HACE1: variants seen among roughly 807,000 people sequenced by gnomAD.
HACE1 encodes HECT domain and ankyrin repeat containing E3 ubiquitin protein ligase 1.
HACE1 carries 73 observed loss-of-function variants against 118.4 expected under a neutral mutation model. That is an observed-to-expected ratio of 0.62 (90% CI 0.51 to 0.75). The LOEUF (loss-of-function observed/expected upper bound fraction) is 0.75, where lower values mean the gene tolerates loss of function less well. Among genes scored for constraint, HACE1 ranks in the 30% least tolerant of loss-of-function variants. The pLI is 0.00. For missense variants in HACE1, 749 were observed against 1,102.2 expected, an observed-to-expected ratio of 0.68 and a Z score of 4.54; for synonymous variants, 368 against 374.8, an observed-to-expected ratio of 0.98 and a Z score of 0.21.
At chr6:104,780,040 C>T (rs1781564104) in intron 14 of HACE1, among the ~76,000 whole-genome samples, 1 of 152,046 alleles carries the variant, frequency 6.6e-6, no homozygotes, top group South Asian at 2.1e-4. Flanking sequence ...TATACTAATG[C>T]TCTAATACTC....
intron 7 of HACE1, among the ~76,000 whole-genome samples, chr6:104,803,664 GC>G (rs1294496381): frequency 2.0e-5 from 3 of 152,082 alleles, no homozygotes; most frequent in East Asian, 3.9e-4. Flanking sequence ...AAATTCAACA[GC>G]CCTTCATGCT....
At chr6:104,778,853 T>A (rs1781469962) in intron 14 of HACE1, among the ~76,000 whole-genome samples, 1 of 151,822 alleles carries the variant, frequency 6.6e-6, no homozygotes, top group Non-Finnish European at 1.5e-5. Flanking sequence ...ATAGAACTTA[T>A]GAATAGAAAT....
At chr6:104,784,543 C>T (rs916496446) in intron 12 of HACE1, 58 bp from the exon 13 acceptor site, 12 of 1,171,358 alleles carry the variant, frequency 1.0e-5, no homozygotes, top group Middle Eastern at 1.9e-4. Context: ...TATAATATAG[C>T]GAACTTGATA....
chr6:104,804,371 G>A (rs1286445662), intron 7 of HACE1, among the ~76,000 whole-genome samples: 8 of 152,060 alleles, frequency 5.3e-5, no homozygotes, highest in African/African-American at 1.9e-4. Context: ...CTACTTTAAA[G>A]TTCATATGGA....
At chr6:104,795,550 T>C (rs765804130) in intron 10 of HACE1, 29 bp downstream of exon 10, 13 of 1,265,184 alleles carry the variant, frequency 1.0e-5, no homozygotes, top group East Asian at 4.6e-5. Flanking sequence ...CTGCTACCTA[T>C]TGATTTCCTC....
chr6:104,796,995 T>C lies in HACE1; in HGVS notation c.648A>G (p.Leu216=), dbSNP rs769346313. Residue 216 remains leucine (L), a synonymous_variant, in exon 8 of 24, where the codon CTA becomes CTG. Transcript: ENST00000262903. ...SHGQRDTAQI[L]LLRGAKYLPD... is the part of the protein sequence containing the mutation. ...GCAGATATTTGGCTCCTCGTAATAG[T>C]AGGATCTGTGCTGTATCTCTCTGAC... The C allele has an allele frequency of 1.1e-5, 18 of 1,598,750 alleles. No homozygotes were observed. Among genetic ancestry groups the C allele is most frequent in the Non-Finnish European group, 1.4e-5 (16 of 1,166,266 alleles).
At chr6:104,830,551 C>T (rs1316908) in intron 6 of HACE1, among the ~76,000 whole-genome samples, 16,668 of 152,046 alleles carry the variant, frequency 0.11, 952 homozygotes, top group East Asian at 0.15. Context: ...TGTGATCATA[C>T]ATCCTGAAAC....
chr6:104,840,708 A>C (rs1259736752), intron 5 of HACE1, among the ~76,000 whole-genome samples: 1 of 152,152 alleles, frequency 6.6e-6, no homozygotes, highest in Non-Finnish European at 1.5e-5. Flanking sequence ...TCACACCTGT[A>C]ATCCCAGCAC....
chr6:104,737,640 C>T (rs1166525873), intron 22 of HACE1, among the ~76,000 whole-genome samples: 1 of 152,204 alleles, frequency 6.6e-6, no homozygotes, highest in East Asian at 1.9e-4. Context: ...AAACGGCGCA[C>T]CACGAGATTA....
At chr6:104,826,016 C>T (rs768738282) in intron 6 of HACE1, among the ~76,000 whole-genome samples, 1 of 152,178 alleles carries the variant, frequency 6.6e-6, no homozygotes, top group Non-Finnish European at 1.5e-5. Flanking sequence ...ACTATCTGAG[C>T]TCTGCCTCCT....
At chr6:104,756,887 A>G (rs1778758980) in intron 19 of HACE1, among the ~76,000 whole-genome samples, 1 of 152,192 alleles carries the variant, frequency 6.6e-6, no homozygotes. Flanking sequence ...AGACCAGGAG[A>G]TTCCCTTCTG....
chr6:104,853,342 A>C (rs1337977337), intron 1 of HACE1, among the ~76,000 whole-genome samples: 1 of 152,184 alleles, frequency 6.6e-6, no homozygotes, highest in East Asian at 1.9e-4. Flanking sequence ...CCCTTTACAC[A>C]ATAAATTCAC....
rs574432573 is a variant in HACE1 at position 104,846,017 on chromosome 6, C to G, written c.327-2719G>C. ...CTAAGCCAATAATGGCAAAATAAAT[C>G]ATTAGGTAGGAATGAGCCAGGGAAA... On this transcript the variant is annotated intron_variant, in intron 4 of 23. Transcript: ENST00000262903. 6.9e-4 allele frequency among the ~76,000 whole-genome samples: 105 copies of G among 152,096 alleles called. 2 individuals are homozygous for G. Among genetic ancestry groups the G allele is most frequent in the Non-Finnish European group, 8.4e-4 (57 of 68,028 alleles).
Position 104,776,788 on chromosome 6 carries a change from T to C in HACE1, c.1817A>G (p.Asn606Ser), listed in dbSNP as rs769731342. The C allele has an allele frequency of 2.5e-6, 4 of 1,610,680 alleles. No individual in the cohort carries two copies. Among genetic ancestry groups the C allele is most frequent in the East Asian group, 2.2e-5 (1 of 44,844 alleles). Reference sequence around the variant, plus strand: ...TGCATAATCAGGATTGACTATCTCATTGGACAGAATATCAAACCACTCACG... The same window carrying C: ...TGCATAATCAGGATTGACTATCTCACTGGACAGAATATCAAACCACTCACG... ...VVREWFDILS[N>S]EIVNPDYALF... The change falls in exon 17 of 24, where the codon AAT becomes AGT. Residue 606 changes from asparagine (N) to serine (S), a missense_variant. Transcript: ENST00000262903.
intron 22 of HACE1, among the ~76,000 whole-genome samples, chr6:104,739,442 CAT>C (rs1319370431): frequency 6.6e-6 from 1 of 151,946 alleles, no homozygotes; most frequent in Non-Finnish European, 1.5e-5. Context: ...CAGAGACACA[CAT>C]AGGCTCAAAA....
chr6:104,747,870 T>A (rs1036249629), intron 20 of HACE1, among the ~76,000 whole-genome samples: 2 of 152,144 alleles, frequency 1.3e-5, no homozygotes, highest in South Asian at 4.1e-4. Context: ...TTCCCAAATG[T>A]GAATCAGCTC....
chr6:104,730,333 GT>G lies in HACE1; in HGVS notation c.2596del (p.Thr866LeufsTer74). 6.3e-7 allele frequency: 1 copy of G among 1,577,702 alleles called. No individual in the cohort carries two copies. Among genetic ancestry groups the G allele is most frequent in the Non-Finnish European group, 8.7e-7 (1 of 1,146,762 alleles). ...QNFTIAAVPY[T>X]PNLLPTSSTC... ...GCTTGAAGTTGGTAAAAGATTTGGA[GT>G]ATATGGCACAGCAGCGATTGTAAAG... On this transcript the variant is annotated frameshift_variant, in exon 23 of 24. Transcript: ENST00000262903. LOFTEE classifies it high-confidence loss of function.
intron 22 of HACE1, chr6:104,732,339 T>G (rs1562244407): frequency 6.6e-6 from 1 of 152,182 alleles, no homozygotes; most frequent in African/African-American, 2.4e-5. Context: ...GGATTATTAT[T>G]TAGCCAAGGG....
At position 104,729,622 on chromosome 6, in the gene HACE1, G is replaced by T; in HGVS notation, c.*40C>A. On this transcript the variant is annotated 3_prime_UTR_variant, in exon 24 of 24. Coordinates refer to ENST00000262903, the MANE Select transcript of HACE1 (RefSeq NM_020771.4). The stretch of plus-strand genomic sequence containing the variant: ...TTTCCCAAATTACTTCTGCCATTCT[G>T]AATTGTGCATCAGTAGTCAGAGGAG... 1 of 956,544 alleles carries T rather than the reference G, an allele frequency of 1.0e-6. No homozygotes were observed. The highest frequency in any genetic ancestry group is 1.7e-6 in the Non-Finnish European group (1 of 580,098). 59.3% of individuals were successfully genotyped at this position (956,544 alleles called of 1,614,324 possible).
Sources: gnomAD v4.1 joint callset for allele counts (sites outside exome capture counted in the v4.1 genomes callset) on GRCh38, gnomAD v4.1.1 for gene constraint, MANE v1.5 for transcripts, NCBI Gene and HGNC (gene_info 2026-07-23, HGNC 2026-07-21) for gene names.